EVC2: variants seen among roughly 807,000 people sequenced by gnomAD.
EVC2 encodes the protein EvC ciliary complex subunit 2.
Under a neutral mutation model 149.3 loss-of-function variants are expected in EVC2, and 148 were observed. That is an observed-to-expected ratio of 0.99 (90% confidence interval 0.87 to 1.14). EVC2 has a LOEUF of 1.14. Among genes scored for constraint, EVC2 ranks in the 50% most tolerant of loss-of-function variants. EVC2 has a pLI of 0.00. For synonymous variants in EVC2, 776 were observed against 649.9 expected, an observed-to-expected ratio of 1.19 and a Z score of -2.95; for missense variants, 1,854 against 1,627.3, an observed-to-expected ratio of 1.14 and a Z score of -2.40.
chr4:5,639,852 A>C (rs1198771835), intron 10 of EVC2, among the ~76,000 whole-genome samples: 1 of 139,002 alleles, frequency 7.2e-6, no homozygotes, highest in Non-Finnish European at 1.6e-5. Flanking sequence ...TGACTGAATA[A>C]TGTCTCATTT....
chr4:5,624,746 G>T (rs772327475), intron 13 of EVC2, among the ~76,000 whole-genome samples: 1 of 152,170 alleles, frequency 6.6e-6, no homozygotes, highest in South Asian at 2.1e-4. Context: ...ATGCTCAAAG[G>T]TGGCAAAGAT....
chr4:5,615,359 C>G, intron 16 of EVC2, 63 bp downstream of exon 16: 1 of 1,611,454 alleles, frequency 6.2e-7, no homozygotes, highest in Non-Finnish European at 8.5e-7. Context: ...GCAAATGTGT[C>G]AGCTATCAGA....
intron 7 of EVC2, among the ~76,000 whole-genome samples, chr4:5,680,209 G>C (rs1448224559): frequency 6.6e-6 from 1 of 152,124 alleles, no homozygotes; most frequent in Non-Finnish European, 1.5e-5. Flanking sequence ...ATCAGTGGAA[G>C]GGATACACTC....
intron 16 of EVC2, among the ~76,000 whole-genome samples, chr4:5,590,617 A>G (rs913764220): frequency 1.3e-5 from 2 of 151,500 alleles, no homozygotes; most frequent in Non-Finnish European, 2.9e-5. Flanking sequence ...CGGATAATAC[A>G]CACTGACCAC....
chr4:5,545,862 T>C (rs930146604), intron 21 of EVC2, among the ~76,000 whole-genome samples: 1 of 152,108 alleles, frequency 6.6e-6, no homozygotes, highest in Non-Finnish European at 1.5e-5. Context: ...GAGAGGAGAA[T>C]TGGGAAATGA....
intron 21 of EVC2, among the ~76,000 whole-genome samples, chr4:5,545,028 G>A (rs1024717233): frequency 6.6e-6 from 1 of 152,134 alleles, no homozygotes. Flanking sequence ...CTGCTGCTCG[G>A]CCCTCCAGGC....
At chr4:5,620,332 T>C (rs1378454190) in intron 14 of EVC2, among the ~76,000 whole-genome samples, 4 of 152,170 alleles carry the variant, frequency 2.6e-5, no homozygotes, top group Non-Finnish European at 5.9e-5. Context: ...AGCACTCTTG[T>C]CTTAATCCTC....
chr4:5,592,657 G>C (rs908768912), intron 16 of EVC2, among the ~76,000 whole-genome samples: 1 of 152,182 alleles, frequency 6.6e-6, no homozygotes, highest in Non-Finnish European at 1.5e-5. Context: ...AAGTGGGCTC[G>C]CACATGTGCA....
the EVC2 span, among the ~76,000 whole-genome samples, chr4:5,529,865 G>A: frequency 6.9e-6 from 1 of 144,476 alleles, no homozygotes; most frequent in African/African-American, 2.6e-5. The surrounding 1 kb of genome is among the most constrained non-coding windows in gnomAD (Gnocchi z 4.5). Flanking sequence ...CACCCAGGCT[G>A]AAGTGCAGTG....
intron 19 of EVC2, among the ~76,000 whole-genome samples, chr4:5,573,733 C>G (rs923901138): frequency 2.0e-5 from 3 of 152,196 alleles, no homozygotes; most frequent in Admixed American, 2.0e-4. Flanking sequence ...ATTCAGGAAG[C>G]TCGGTGTGCC....
intron 20 of EVC2, 84 bp downstream of exon 20, chr4:5,568,360 T>C (rs1256980685): frequency 7.5e-7 from 1 of 1,336,660 alleles, no homozygotes; most frequent in South Asian, 1.3e-5. Context: ...ACAAAATACA[T>C]GGGCCTCCCA....
At chr4:5,655,574 G>A (rs2108885329) in intron 9 of EVC2, among the ~76,000 whole-genome samples, 1 of 152,230 alleles carries the variant, frequency 6.6e-6, no homozygotes, top group South Asian at 2.1e-4. Context: ...CATGCTGGTT[G>A]AGGTTCACCT....
chr4:5,555,867 C>G (rs1721829031), intron 21 of EVC2, among the ~76,000 whole-genome samples: 1 of 152,084 alleles, frequency 6.6e-6, no homozygotes, highest in South Asian at 2.1e-4. Flanking sequence ...GAAACATTCA[C>G]CAAGATAGGC....
At chr4:5,635,595 T>A (rs958848929) in intron 10 of EVC2, among the ~76,000 whole-genome samples, 1 of 152,186 alleles carries the variant, frequency 6.6e-6, no homozygotes, top group Non-Finnish European at 1.5e-5. Flanking sequence ...CTCTACAGCA[T>A]CACAAAGTGA....
chr4:5,552,562 C>G (rs1399694527), intron 21 of EVC2, among the ~76,000 whole-genome samples: 1 of 152,220 alleles, frequency 6.6e-6, no homozygotes, highest in Non-Finnish European at 1.5e-5. Context: ...ACACTCCCAA[C>G]TTAAACAACT....
chr4:5,587,755 T>C (rs1428766158), intron 16 of EVC2, among the ~76,000 whole-genome samples: 1 of 152,082 alleles, frequency 6.6e-6, no homozygotes, highest in African/African-American at 2.4e-5. Context: ...AGGGTCGTGA[T>C]TGAGCAAGCA....
intron 7 of EVC2, among the ~76,000 whole-genome samples, chr4:5,669,837 A>G (rs932611756): frequency 4.6e-5 from 7 of 152,224 alleles, no homozygotes; most frequent in Non-Finnish European, 5.9e-5. Context: ...TGCTTAAAGT[A>G]GCAACACAGT....
At chr4:5,597,030 T>C (rs893961828) in intron 16 of EVC2, among the ~76,000 whole-genome samples, 6 of 152,166 alleles carry the variant, frequency 3.9e-5, no homozygotes, top group Non-Finnish European at 8.8e-5. Context: ...AGCTGAAATC[T>C]CGGAATAGAC....
intron 1 of EVC2, among the ~76,000 whole-genome samples, chr4:5,705,821 T>C (rs539046094): frequency 7.2e-5 from 11 of 152,224 alleles, no homozygotes; most frequent in South Asian, 2.1e-4. Context: ...ACCCCTATAA[T>C]GGTTCAGTGA....
Sources: allele counts gnomAD v4.1 joint callset (sites outside exome capture counted in the v4.1 genomes callset), GRCh38; gene constraint gnomAD v4.1.1; non-coding constraint Gnocchi (gnomAD v3.1); transcripts MANE v1.5; gene names NCBI Gene and HGNC (gene_info 2026-07-23, HGNC 2026-07-21).